KALRN: variants seen among roughly 807,000 people sequenced by gnomAD.
KALRN encodes the protein kalirin RhoGEF kinase, also known as kalirin.
KALRN carries 70 observed loss-of-function variants against 353.7 expected under a neutral mutation model. That is an observed-to-expected ratio of 0.20 (90% CI 0.16 to 0.24). KALRN has a LOEUF of 0.24. Among genes scored for constraint, KALRN ranks in the 10% least tolerant of loss-of-function variants. KALRN has a pLI of 1.00. For synonymous variants in KALRN, 1,391 were observed against 1,434.8 expected, an observed-to-expected ratio of 0.97 and a Z score of 0.69; for missense variants, 2,791 against 3,756.7, an observed-to-expected ratio of 0.74 and a Z score of 6.72.
chr3:124,293,621 CAAAAG>C (rs1415012425), intron 5 of KALRN, among the ~76,000 whole-genome samples: 1 of 151,530 alleles, frequency 6.6e-6, no homozygotes, highest in East Asian at 1.9e-4. Flanking sequence ...AACAAAACCC[CAAAAG>C]AAAAGGAAAA....
intron 34 of KALRN, among the ~76,000 whole-genome samples, chr3:124,594,249 C>A (rs2149387405): frequency 6.6e-6 from 1 of 152,250 alleles, no homozygotes; most frequent in East Asian, 1.9e-4. Context: ...TTTTTGGAGA[C>A]AGAGTCTCGC....
intron 1 of KALRN, among the ~76,000 whole-genome samples, chr3:124,197,448 T>C (rs1019632833): frequency 6.6e-6 from 1 of 152,204 alleles, no homozygotes; most frequent in African/African-American, 2.4e-5. Flanking sequence ...GTTTATCCTG[T>C]TTTCATTTTA....
intron 11 of KALRN, among the ~76,000 whole-genome samples, chr3:124,391,476 A>G (rs1370271343): frequency 6.6e-6 from 1 of 152,206 alleles, no homozygotes. Flanking sequence ...GACAGAAAAG[A>G]TCGTTCTGGC....
intron 1 of KALRN, among the ~76,000 whole-genome samples, chr3:124,212,992 CT>C (rs2150523560): frequency 6.6e-6 from 1 of 152,034 alleles, no homozygotes; most frequent in Non-Finnish European, 1.5e-5. Flanking sequence ...TACACGTTTC[CT>C]AGCTTGTCAT....
intron 1 of KALRN, among the ~76,000 whole-genome samples, chr3:124,051,870 G>C (rs142565728): frequency 8.1e-4 from 124 of 152,290 alleles, no homozygotes; most frequent in African/African-American, 2.8e-3. Flanking sequence ...CAGATGGTTG[G>C]GTTCAAGTGG....
chr3:124,152,383 T>C, intron 1 of KALRN: 8 of 1,219,376 alleles, frequency 6.6e-6, no homozygotes, highest in Non-Finnish European at 7.2e-6. Flanking sequence ...CTTTCGGACC[T>C]TTGGGCTCAC....
Position 124,257,052 on chromosome 3 carries a change from T to G in KALRN, c.264-7446T>G, listed in dbSNP as rs182519213. On this transcript the variant is annotated intron_variant, in intron 3 of 59. Coordinates refer to ENST00000682506, the MANE Select transcript of KALRN (RefSeq NM_001388419.1). ...CAAGCCTATTCTTGCAATAAATGAC[T>G]CCACTGGAGAGACCCTGAGGCCATG... 3.3e-5 allele frequency among the ~76,000 whole-genome samples: 5 copies of G among 152,290 alleles called. No homozygotes were observed. In the East Asian group the frequency reaches 9.6e-4, roughly 29 times the overall value.
chr3:124,155,664 G>T (rs1316028587), intron 1 of KALRN, among the ~76,000 whole-genome samples: 7 of 152,112 alleles, frequency 4.6e-5, no homozygotes, highest in Non-Finnish European at 8.8e-5. Context: ...CATATGAAAT[G>T]GAATTTAAAG....
chr3:124,140,799 G>A (rs888962486), intron 1 of KALRN, among the ~76,000 whole-genome samples: 12 of 152,256 alleles, frequency 7.9e-5, no homozygotes, highest in South Asian at 6.2e-4. Flanking sequence ...CCTCCCGGGG[G>A]GGGCACAGGG....
At chr3:124,542,301 AGTAGCC>A (rs1376249839) in intron 33 of KALRN, among the ~76,000 whole-genome samples, 1 of 152,364 alleles carries the variant, frequency 6.6e-6, no homozygotes, top group East Asian at 1.9e-4. Flanking sequence ...TCTGGAACTT[AGTAGCC>A]GTGTGACTTG....
chr3:124,199,193 T>C (rs1186387943), intron 1 of KALRN, among the ~76,000 whole-genome samples: 2 of 152,228 alleles, frequency 1.3e-5, no homozygotes, highest in African/African-American at 4.8e-5. Flanking sequence ...CTCTTGCTGC[T>C]TCCAGTCTAG....
chr3:124,112,626 G>A (rs1336862177), intron 1 of KALRN, among the ~76,000 whole-genome samples: 1 of 152,086 alleles, frequency 6.6e-6, no homozygotes, highest in Admixed American at 6.6e-5. Context: ...CACAGGTTTG[G>A]GGTCCATCTT....
chr3:124,306,448 G>C (rs1580756242), intron 6 of KALRN, among the ~76,000 whole-genome samples: 1 of 86,324 alleles, frequency 1.2e-5, no homozygotes, highest in South Asian at 3.7e-4. Flanking sequence ...GAAGAACAGA[G>C]AGAAAAAAGA....
In KALRN at chr3:124,501,384, C is replaced by T. The variant is rs996871519; in HGVS notation, c.4935+4971C>T. Among the ~76,000 whole-genome samples the T allele has an allele frequency of 3.3e-5, 5 of 152,150 alleles. No homozygotes were observed. In the South Asian group the frequency reaches 6.2e-4, roughly 19 times the overall value. ...ATACCTGGAGAACCCCTGAGATTTTCGGATATAACTCAATGGTTTTTAAAC... is the reference window on the plus strand; with the variant it reads ...ATACCTGGAGAACCCCTGAGATTTTTGGATATAACTCAATGGTTTTTAAAC... On this transcript the variant is annotated intron_variant, in intron 33 of 59. Coordinates refer to ENST00000682506, the MANE Select transcript of KALRN (RefSeq NM_001388419.1).
intron 1 of KALRN, among the ~76,000 whole-genome samples, chr3:124,043,284 A>T (rs1215585773): frequency 6.6e-6 from 1 of 152,148 alleles, no homozygotes; most frequent in African/African-American, 2.4e-5. Context: ...TGAAGGGAAG[A>T]TTAAAAATAG....
intron 17 of KALRN, among the ~76,000 whole-genome samples, chr3:124,436,462 AG>A (rs1478347841): frequency 6.6e-6 from 1 of 152,266 alleles, no homozygotes; most frequent in Non-Finnish European, 1.5e-5. Flanking sequence ...TGCACGTTTC[AG>A]GCCTTGCAGA....
At chr3:124,539,930 G>GC (rs1561249907) in intron 33 of KALRN, among the ~76,000 whole-genome samples, 1 of 150,700 alleles carries the variant, frequency 6.6e-6, no homozygotes, top group African/African-American at 2.4e-5. Context: ...TTTGGGGGGG[G>GC]GGACAGGGTC....
intron 28 of KALRN, among the ~76,000 whole-genome samples, chr3:124,483,122 T>A (rs2062158838): frequency 6.6e-6 from 1 of 152,234 alleles, no homozygotes; most frequent in Non-Finnish European, 1.5e-5. Context: ...AAGTTGTGAC[T>A]ATTTTCTCAT....
chr3:124,231,711 ATT>A (rs71145439), intron 2 of KALRN, among the ~76,000 whole-genome samples: 8 of 149,254 alleles, frequency 5.4e-5, no homozygotes, highest in Non-Finnish European at 8.9e-5. Flanking sequence ...AAAGAACTTT[ATT>A]TTTTTTTTTT....
Sources: gnomAD v4.1 joint callset for allele counts (sites outside exome capture counted in the v4.1 genomes callset) on GRCh38, gnomAD v4.1.1 for gene constraint, MANE v1.5 for transcripts, NCBI Gene and HGNC (gene_info 2026-07-23, HGNC 2026-07-21) for gene names.